The following ELAVL2 variants were observed in gnomAD, a reference collection of about 807,000 sequenced individuals.
The protein encoded by ELAVL2 is ELAV like RNA binding protein 2.
Under a neutral mutation model 34.6 loss-of-function variants are expected in ELAVL2, and 4 were observed. The observed-to-expected ratio is 0.12, with a 90% CI of 0.06 to 0.26. The LOEUF is 0.26. Among genes scored for constraint, ELAVL2 ranks in the 10% least tolerant of loss-of-function variants. The pLI is 1.00. For synonymous variants in ELAVL2, 193 were observed against 154.8 expected, an observed-to-expected ratio of 1.25 and a Z score of -1.83; for missense variants, 432 against 442.8, an observed-to-expected ratio of 0.98 and a Z score of 0.22.
At chr9:23,777,161 C>T (rs906528948) in intron 1 of ELAVL2, among the ~76,000 whole-genome samples, 2 of 152,192 alleles carry the variant, frequency 1.3e-5, no homozygotes, top group African/African-American at 4.8e-5. Context: ...AAGTACCAGG[C>T]AATATAGTCT....
chr9:23,814,692 T>G (rs2063473767), intron 1 of ELAVL2, among the ~76,000 whole-genome samples: 1 of 152,086 alleles, frequency 6.6e-6, no homozygotes, highest in Admixed American at 6.6e-5. Context: ...TTATAAAATC[T>G]TGCTCCCTCT....
chr9:23,720,734 A>C (rs544453138), intron 3 of ELAVL2, among the ~76,000 whole-genome samples: 1 of 152,248 alleles, frequency 6.6e-6, no homozygotes, highest in African/African-American at 2.4e-5. Flanking sequence ...TATTTTTTAC[A>C]AGTAGACTTG....
chr9:23,710,676 C>T (rs2040674981), intron 3 of ELAVL2, among the ~76,000 whole-genome samples: 1 of 152,154 alleles, frequency 6.6e-6, no homozygotes. Flanking sequence ...TTCAATCTCT[C>T]CAGCTGAAAG....
intron 1 of ELAVL2, among the ~76,000 whole-genome samples, chr9:23,786,802 A>AAAAAAAAC (rs1554747169): frequency 2.4e-5 from 3 of 127,332 alleles, no homozygotes; most frequent in East Asian, 2.4e-4. Flanking sequence ...AAAAAAAAAA[A>AAAAAAAAC]AGAGAGAGAG....
chr9:23,739,813 C>G (rs1587951213), intron 2 of ELAVL2, among the ~76,000 whole-genome samples: 1 of 152,004 alleles, frequency 6.6e-6, no homozygotes, highest in East Asian at 1.9e-4. Flanking sequence ...ACCCCCCCCA[C>G]TAAGCAGTCC....
At chr9:23,741,536 C>G (rs781471050) in intron 2 of ELAVL2, among the ~76,000 whole-genome samples, 2 of 151,186 alleles carry the variant, frequency 1.3e-5, no homozygotes, top group Non-Finnish European at 2.9e-5. Context: ...CCTCTCTAGA[C>G]ACTCCCCCTT....
intron 1 of ELAVL2, among the ~76,000 whole-genome samples, chr9:23,791,886 C>T (rs1588553755): frequency 6.6e-6 from 1 of 152,290 alleles, no homozygotes; most frequent in Admixed American, 6.5e-5. Context: ...CCTAAGCAAA[C>T]TAATACAACC....
chr9:23,846,422 G>C, the ELAVL2 span, among the ~76,000 whole-genome samples: 1 of 151,890 alleles, frequency 6.6e-6, no homozygotes, highest in Non-Finnish European at 1.5e-5. Context: ...ATTACCAAAT[G>C]TAAGTGTAAT....
chr9:23,706,027 T>C (rs562187212), intron 3 of ELAVL2, among the ~76,000 whole-genome samples: 7 of 152,346 alleles, frequency 4.6e-5, no homozygotes, highest in South Asian at 2.1e-4. Context: ...TGCTGTATGA[T>C]TGTCCATAAA....
At chr9:23,705,636 G>A (rs2039073407) in intron 3 of ELAVL2, among the ~76,000 whole-genome samples, 1 of 152,172 alleles carries the variant, frequency 6.6e-6, no homozygotes, top group Non-Finnish European at 1.5e-5. Context: ...CATGGTGGGG[G>A]ATGCATTAGA....
intron 3 of ELAVL2, among the ~76,000 whole-genome samples, chr9:23,715,882 T>C (rs983164236): frequency 3.3e-5 from 5 of 151,858 alleles, no homozygotes; most frequent in African/African-American, 7.3e-5. Context: ...GTTGGTAATG[T>C]GAAAAAAGAA....
rs2033232321 is a variant in ELAVL2, at chr9:23,691,677, C to T, written c.*880G>A. 6.6e-6 allele frequency: 1 copy of T among 152,462 alleles called. No individual in the cohort carries two copies. The highest frequency in any genetic ancestry group is 6.6e-5 in the Admixed American group (1 of 15,254). 9.4% of individuals were successfully genotyped at this position (152,462 alleles called of 1,614,324 possible). On this transcript the variant is annotated 3_prime_UTR_variant, in exon 7 of 7. Coordinates refer to ENST00000397312, the MANE Select transcript of ELAVL2 (RefSeq NM_004432.5). ...CCACTGGTGATTACAAAAATGAAAC[C>T]AGCAGTGTTTCCCCCCATTGATTCT...
rs936518599 is a variant in ELAVL2 at position 23,692,660 on chromosome 9, T to C, written c.977A>G (p.Asn326Ser). 2 of 1,614,202 alleles carry C rather than the reference T, an allele frequency of 1.2e-6. No homozygotes were observed. Among genetic ancestry groups the C allele is most frequent in the Non-Finnish European group, 1.7e-6 (2 of 1,180,012 alleles). The part of the protein sequence containing the change: ...CKGFGFVTMT[N>S]YDEAAMAIAS... ...TATCGCCATGGCAGCCTCATCATAG[T>C]TTGTCATAGTCACAAATCCAAAACC... The change falls in exon 7 of 7, where the codon AAC (asparagine) becomes AGC (serine). Residue 326 changes from asparagine (N) to serine (S), a missense_variant. By Grantham distance (46) the Asn-to-Ser change is conservative (BLOSUM62 1). Around this residue, in one of 3 missense-constraint regions of ELAVL2, gnomAD observed 295 missense variants for 306.1 expected, o/e 0.96. Transcript: ENST00000397312.
intron 1 of ELAVL2, among the ~76,000 whole-genome samples, chr9:23,791,721 C>A (rs783564): frequency 0.057 from 8,650 of 152,170 alleles, 781 homozygotes; most frequent in African/African-American, 0.2. Flanking sequence ...AGTGAGGACA[C>A]AGTGAGAAGG....
At chr9:23,787,283 G>A (rs951066585) in intron 1 of ELAVL2, among the ~76,000 whole-genome samples, 7 of 150,616 alleles carry the variant, frequency 4.6e-5, no homozygotes, top group Admixed American at 2.6e-4. Flanking sequence ...TTTTGAGACG[G>A]AGTTTCGCTC....
chr9:23,810,254 G>C (rs2062801074), intron 1 of ELAVL2, among the ~76,000 whole-genome samples: 1 of 151,990 alleles, frequency 6.6e-6, no homozygotes, highest in Admixed American at 6.6e-5. Context: ...ATGCCAGCTG[G>C]CATCAGAAAG....
At chr9:23,707,725 T>C (rs960646657) in intron 3 of ELAVL2, among the ~76,000 whole-genome samples, 1 of 152,226 alleles carries the variant, frequency 6.6e-6, no homozygotes, top group Admixed American at 6.5e-5. Context: ...CTTCTTTATA[T>C]GGCTATTAGG....
Position 23,776,739 on chromosome 9 carries a change from CAAAAAAAAA to C in ELAVL2, c.-15-14499_-15-14491del, listed in dbSNP as rs34583759. 1.8e-4 allele frequency among the ~76,000 whole-genome samples: 14 copies of C among 77,708 alleles called. 1 individual carries two copies. In the South Asian group the frequency reaches 3.8e-3, roughly 21 times the overall value. The allele number at this position is 77,708 out of a possible 152,430, so 51.0% of individuals were successfully genotyped here. ...TGACCTATGCTAAATAGTTTGCTAT[CAAAAAAAAA>C]AAAAAAAAAAAAAAGATGGCAAAAT... On this transcript the variant is annotated intron_variant, in intron 1 of 6. Coordinates refer to ENST00000397312, the MANE Select transcript of ELAVL2 (RefSeq NM_004432.5).
intron 1 of ELAVL2, among the ~76,000 whole-genome samples, chr9:23,780,363 CT>C (rs1245265481): frequency 6.6e-6 from 1 of 152,142 alleles, no homozygotes; most frequent in Admixed American, 6.5e-5. Flanking sequence ...AGGGTTCCCC[CT>C]GGACATTCAA....
Sources: allele counts gnomAD v4.1 joint callset (sites outside exome capture counted in the v4.1 genomes callset), GRCh38; gene constraint gnomAD v4.1.1; regional missense constraint gnomAD v4.1.1; transcripts MANE v1.5; gene names NCBI Gene and HGNC (gene_info 2026-07-23, HGNC 2026-07-21).